Variants in GMPR observed in about 807,000 individuals in gnomAD.
GMPR encodes guanosine monophosphate reductase, also known as GMP reductase 1.
GMPR carries 31 observed loss-of-function variants against 38.4 expected under a neutral mutation model. The ratio of observed to expected loss-of-function variants is 0.81; its 90% CI spans 0.61 to 1.09. The LOEUF is 1.09. GMPR is among the 50% of genes least tolerant of loss of function. The pLI is 0.00. For missense variants in GMPR, 468 were observed against 453.7 expected, an observed-to-expected ratio of 1.03 and a Z score of -0.29; for synonymous variants, 162 against 173.3, an observed-to-expected ratio of 0.93 and a Z score of 0.51.
chr6:16,279,284 G>A (rs1039063477), intron 6 of GMPR, among the ~76,000 whole-genome samples: 1 of 152,204 alleles, frequency 6.6e-6, no homozygotes, highest in Non-Finnish European at 1.5e-5. Flanking sequence ...CTCCCTCTCA[G>A]GGCCCCAGGG....
intron 8 of GMPR, among the ~76,000 whole-genome samples, chr6:16,293,119 C>T (rs1051166817): frequency 6.6e-6 from 1 of 152,180 alleles, no homozygotes; most frequent in Admixed American, 6.5e-5. Flanking sequence ...CAGTTATGTA[C>T]ACATTGCTGG....
chr6:16,244,421 C>T (rs902705091), intron 1 of GMPR, among the ~76,000 whole-genome samples: 10 of 151,710 alleles, frequency 6.6e-5, no homozygotes, highest in African/African-American at 2.4e-4. Flanking sequence ...CACCGTGTTG[C>T]CCAGGCTGGT....
intron 6 of GMPR, among the ~76,000 whole-genome samples, chr6:16,285,017 C>CA (rs1230598044): frequency 0.04 from 1,365 of 34,096 alleles, 29 homozygotes; most frequent in Non-Finnish European, 0.048. Flanking sequence ...GAGACTGTCT[C>CA]AAAAAAAAAA....
chr6:16,267,207 C>CA (rs762696740), intron 4 of GMPR, among the ~76,000 whole-genome samples: 5 of 151,478 alleles, frequency 3.3e-5, no homozygotes, highest in Non-Finnish European at 4.4e-5. Flanking sequence ...ACTAAAAGTA[C>CA]AAAAAAAAGA....
intron 6 of GMPR, among the ~76,000 whole-genome samples, chr6:16,285,038 A>AAG (rs1554134343): frequency 6.6e-6 from 1 of 151,492 alleles, no homozygotes; most frequent in East Asian, 1.9e-4. Flanking sequence ...AAAAACAAAA[A>AAG]AAAAAAAACA....
chr6:16,289,675 C>CG (rs1554134821), intron 7 of GMPR: 1 of 94,020 alleles, frequency 1.1e-5, no homozygotes, highest in Non-Finnish European at 1.8e-5. Flanking sequence ...TTCCTTGAAG[C>CG]TGTCTAGTGT....
At chr6:16,253,620 G>T (rs1758916155) in intron 3 of GMPR, among the ~76,000 whole-genome samples, 1 of 152,148 alleles carries the variant, frequency 6.6e-6, no homozygotes, top group Non-Finnish European at 1.5e-5. Context: ...CTCCACTGGG[G>T]GGGGGTCATA....
chr6:16,284,745 C>T (rs1007876784), intron 6 of GMPR, among the ~76,000 whole-genome samples: 2 of 152,044 alleles, frequency 1.3e-5, no homozygotes, highest in African/African-American at 2.4e-5. Context: ...AGTGGCTGGG[C>T]GCGGTGGTGC....
intron 1 of GMPR, among the ~76,000 whole-genome samples, chr6:16,245,967 C>T (rs1319321640): frequency 6.6e-6 from 1 of 152,204 alleles, no homozygotes; most frequent in African/African-American, 2.4e-5. Context: ...AGTTTCCCAC[C>T]CAGTGTCCTC....
At chr6:16,269,146 C>T (rs761056728) in intron 4 of GMPR, among the ~76,000 whole-genome samples, 1 of 151,912 alleles carries the variant, frequency 6.6e-6, no homozygotes, top group African/African-American at 2.4e-5. Flanking sequence ...AATGGAGGGA[C>T]TAACATTTAT....
intron 7 of GMPR, among the ~76,000 whole-genome samples, chr6:16,287,342 T>A (rs1759705876): frequency 6.6e-6 from 1 of 152,232 alleles, no homozygotes; most frequent in Non-Finnish European, 1.5e-5. Flanking sequence ...ACATGCTCTC[T>A]GTACAGAGGG....
At chr6:16,269,400 C>G (rs546972878) in intron 4 of GMPR, among the ~76,000 whole-genome samples, 3 of 152,280 alleles carry the variant, frequency 2.0e-5, no homozygotes, top group East Asian at 3.9e-4. Context: ...AAAATTGGGG[C>G]AAAGCAGTTT....
chr6:16,272,175 C>G (rs977242116), intron 4 of GMPR, among the ~76,000 whole-genome samples: 4 of 152,218 alleles, frequency 2.6e-5, no homozygotes, highest in Admixed American at 6.5e-5. Context: ...CCACTGCACT[C>G]CAGTCTGGGT....
At position 16,287,292 on chromosome 6, in the gene GMPR, C is replaced by G. The variant is rs147479297; in HGVS notation, c.697+1457C>G. Among the ~76,000 whole-genome samples, 2 of 152,348 alleles carry G rather than the reference C, an allele frequency of 1.3e-5. 1 individual carries two copies. The highest frequency in any genetic ancestry group is 2.9e-5 in the Non-Finnish European group (2 of 68,028). ...GTTTTTGAGCTGAATCTACTTAATA[C>G]AGGTGGTGGTCCATCTTGGACTCTT... On this transcript the variant is annotated intron_variant, in intron 7 of 8. Transcript: ENST00000259727.
rs759274793 is a variant in GMPR, at chr6:16,278,828, C to T, written c.592C>T (p.Gln198Ter). 8.1e-6 allele frequency: 13 copies of T among 1,614,166 alleles called. No homozygotes were observed. The highest frequency in any genetic ancestry group is 1.1e-5 in the Non-Finnish European group (13 of 1,179,978). The change falls in exon 6 of 9, where the codon CAG (glutamine) becomes TAG (stop). Residue 198 changes from glutamine to a stop codon, truncating the protein, a stop_gained. Coordinates refer to ENST00000259727, the MANE Select transcript of GMPR (RefSeq NM_006877.4). LOFTEE classifies it high-confidence loss of function. ...TRTKTGVGYP[Q>*]LSAVIECADS... ...CACCAAGACGGGAGTGGGGTACCCC[C>T]AGCTGAGTGCCGTCATTGAGTGTGC...
At chr6:16,240,856 A>C (rs1239933340) in intron 1 of GMPR, among the ~76,000 whole-genome samples, 6 of 152,110 alleles carry the variant, frequency 3.9e-5, no homozygotes. Flanking sequence ...TTTGCCAGCC[A>C]CGGGCCTGGA....
intron 6 of GMPR, among the ~76,000 whole-genome samples, chr6:16,282,863 C>G (rs1421620131): frequency 6.7e-6 from 1 of 149,354 alleles, no homozygotes; most frequent in Non-Finnish European, 1.5e-5. Flanking sequence ...TGCTGGAGTG[C>G]AGTGGCATGA....
chr6:16,244,997 G>A (rs1279168509), intron 1 of GMPR, among the ~76,000 whole-genome samples: 2 of 152,262 alleles, frequency 1.3e-5, no homozygotes, highest in East Asian at 1.9e-4. Context: ...GGTGCAGAGT[G>A]TAGCAGCTAG....
chr6:16,260,415 G>A (rs1298040565), intron 4 of GMPR, among the ~76,000 whole-genome samples: 1 of 151,978 alleles, frequency 6.6e-6, no homozygotes, highest in Admixed American at 6.6e-5. Context: ...AGACCCTGTA[G>A]GAAAGGCCTG....
Sources: gnomAD v4.1 joint callset for allele counts (sites outside exome capture counted in the v4.1 genomes callset) on GRCh38, gnomAD v4.1.1 for gene constraint, MANE v1.5 for transcripts, NCBI Gene and HGNC (gene_info 2026-07-23, HGNC 2026-07-21) for gene names.